The following TBC1D22A variants were observed in gnomAD, a reference collection of about 807,000 sequenced individuals.
The protein encoded by TBC1D22A is TBC1 domain family member 22A.
TBC1D22A carries 38 observed loss-of-function variants against 60.2 expected under a neutral mutation model. The observed-to-expected ratio is 0.63, with a 90% CI of 0.49 to 0.83. The LOEUF is 0.83. TBC1D22A is among the 40% of genes least tolerant of loss of function. The pLI is 0.00. For synonymous variants in TBC1D22A, 302 were observed against 281.7 expected (o/e 1.07, Z -0.72); for missense variants, 628 against 701.0 (o/e 0.90, Z 1.18).
At chr22:46,949,475 G>A (rs890486640) in intron 8 of TBC1D22A, among the ~76,000 whole-genome samples, 3 of 152,206 alleles carry the variant, frequency 2.0e-5, no homozygotes, top group African/African-American at 4.8e-5. Context: ...CAATGTTTGT[G>A]TGGGGCCTTG....
chr22:46,999,566 T>C (rs1315701778), intron 10 of TBC1D22A, among the ~76,000 whole-genome samples: 2 of 152,134 alleles, frequency 1.3e-5, no homozygotes, highest in Admixed American at 1.3e-4. Context: ...CTGAGCAAAC[T>C]TGGGAGAAGC....
intron 12 of TBC1D22A, among the ~76,000 whole-genome samples, chr22:47,156,484 A>G (rs950797416): frequency 6.6e-6 from 1 of 152,146 alleles, no homozygotes. Flanking sequence ...TCCCTCGGAC[A>G]TGGTGGGTGT....
At chr22:46,814,380 G>T (rs2085504160) in intron 4 of TBC1D22A, among the ~76,000 whole-genome samples, 1 of 152,150 alleles carries the variant, frequency 6.6e-6, no homozygotes. Flanking sequence ...GACATTCCAA[G>T]ATTTTGACGT....
chr22:46,970,783 T>C (rs2057385923), intron 8 of TBC1D22A, among the ~76,000 whole-genome samples: 1 of 152,180 alleles, frequency 6.6e-6, no homozygotes, highest in Non-Finnish European at 1.5e-5. Context: ...TATCAGCATC[T>C]AACAGATAGA....
At chr22:46,762,996 G>A in intron 1 of TBC1D22A, 148 bp downstream of exon 1, 1 of 693,036 alleles carries the variant, frequency 1.4e-6, no homozygotes. Flanking sequence ...GGGCGTTGGG[G>A]GGCTCGGAGG....
In TBC1D22A at chr22:46,774,438, A is replaced by G. The variant is rs1285646245; in HGVS notation, c.62+11590A>G. Reference sequence around the variant, plus strand: ...CCTCTTTTCTGGTGATAAACATGGAAATTCCACCCCGAGTGCTGCGGTTCA... The same window carrying G: ...CCTCTTTTCTGGTGATAAACATGGAGATTCCACCCCGAGTGCTGCGGTTCA... On this transcript the variant is annotated intron_variant, in intron 1 of 12. Transcript: ENST00000337137. Among the ~76,000 whole-genome samples the G allele has an allele frequency of 3.3e-5, 5 of 152,314 alleles. No individual in the cohort carries two copies. In the East Asian group the frequency reaches 9.6e-4, roughly 29 times the overall value.
chr22:46,881,781 T>C (rs1313720618), intron 5 of TBC1D22A, among the ~76,000 whole-genome samples: 1 of 152,192 alleles, frequency 6.6e-6, no homozygotes, highest in Non-Finnish European at 1.5e-5. Flanking sequence ...TTGGTTCTTT[T>C]TCCGGGAACA....
At chr22:46,981,248 G>T (rs2074501369) in intron 9 of TBC1D22A, among the ~76,000 whole-genome samples, 1 of 152,256 alleles carries the variant, frequency 6.6e-6, no homozygotes, top group Admixed American at 6.5e-5. Flanking sequence ...TATGATGGGA[G>T]AGGGGTGGTG....
intron 12 of TBC1D22A, among the ~76,000 whole-genome samples, chr22:47,160,163 G>A (rs2067919064): frequency 6.6e-6 from 1 of 152,246 alleles, no homozygotes; most frequent in African/African-American, 2.4e-5. Flanking sequence ...ACACAGCCTG[G>A]GTTGTGCTTC....
chr22:47,039,239 G>A (rs1243566897), intron 11 of TBC1D22A, among the ~76,000 whole-genome samples: 2 of 152,132 alleles, frequency 1.3e-5, no homozygotes, highest in Admixed American at 6.5e-5. Context: ...TGACTCATTT[G>A]TACCAGGGAC....
At chr22:47,040,045 T>C (rs983812560) in intron 11 of TBC1D22A, among the ~76,000 whole-genome samples, 1 of 146,640 alleles carries the variant, frequency 6.8e-6, no homozygotes, top group African/African-American at 2.5e-5. Context: ...CCCAGGTTCA[T>C]GCCATTCTCC....
At chr22:46,950,118 A>G (rs577799930) in intron 8 of TBC1D22A, among the ~76,000 whole-genome samples, 2 of 152,228 alleles carry the variant, frequency 1.3e-5, no homozygotes, top group Non-Finnish European at 2.9e-5. Context: ...TGCTAAGCCA[A>G]GTTGGAGTGA....
At chr22:46,840,625 T>G (rs1300665029) in intron 4 of TBC1D22A, among the ~76,000 whole-genome samples, 1 of 151,416 alleles carries the variant, frequency 6.6e-6, no homozygotes, top group Non-Finnish European at 1.5e-5. Context: ...CCCAGCTACT[T>G]GGGAGGCTGA....
At chr22:47,130,332 C>A (rs753158777) in intron 12 of TBC1D22A, among the ~76,000 whole-genome samples, 6 of 152,190 alleles carry the variant, frequency 3.9e-5, no homozygotes, top group East Asian at 3.9e-4. Flanking sequence ...CGGGCTCCCC[C>A]CAAGCGCAGC....
intron 11 of TBC1D22A, among the ~76,000 whole-genome samples, chr22:47,109,370 G>A (rs1367133079): frequency 7.2e-5 from 11 of 152,174 alleles, no homozygotes; most frequent in Admixed American, 6.5e-5. Flanking sequence ...TAGGAAACTC[G>A]AACAACGCTG....
intron 4 of TBC1D22A, among the ~76,000 whole-genome samples, chr22:46,803,320 G>A (rs2084979600): frequency 6.6e-6 from 1 of 152,190 alleles, no homozygotes; most frequent in South Asian, 2.1e-4. Flanking sequence ...CCCGGGCTGG[G>A]CTCCCAGCCT....
intron 4 of TBC1D22A, among the ~76,000 whole-genome samples, chr22:46,833,225 A>T (rs763301830): frequency 6.6e-6 from 1 of 152,230 alleles, no homozygotes; most frequent in Non-Finnish European, 1.5e-5. Flanking sequence ...CTGTGTGTCA[A>T]TGCACTAATG....
intron 4 of TBC1D22A, among the ~76,000 whole-genome samples, chr22:46,830,463 G>T (rs190675574): frequency 1.3e-5 from 2 of 152,354 alleles, no homozygotes; most frequent in African/African-American, 4.8e-5. Context: ...GAGCAGCTCT[G>T]TGTGTGTCCT....
At chr22:46,812,614 G>C (rs2085429677) in intron 4 of TBC1D22A, among the ~76,000 whole-genome samples, 1 of 152,204 alleles carries the variant, frequency 6.6e-6, no homozygotes, top group Non-Finnish European at 1.5e-5. Context: ...TAGCTCGATG[G>C]GGGTTTTGAA....
Sources: gnomAD v4.1 joint callset for allele counts (sites outside exome capture counted in the v4.1 genomes callset) on GRCh38, gnomAD v4.1.1 for gene constraint, MANE v1.5 for transcripts, NCBI Gene and HGNC (gene_info 2026-07-23, HGNC 2026-07-21) for gene names.